Variants in BMPR1B observed in about 807,000 individuals in gnomAD.
The protein encoded by BMPR1B is bone morphogenetic protein receptor type-1B.
A neutral mutation model predicts 59.1 loss-of-function variants in BMPR1B; 12 were observed. The observed-to-expected ratio is 0.20, with a 90% confidence interval of 0.13 to 0.33. The LOEUF (loss-of-function observed/expected upper bound fraction) is 0.33. Ranked by LOEUF, BMPR1B falls within the 10% of genes least tolerant of loss-of-function variation. BMPR1B has a pLI of 1.00. For synonymous variants in BMPR1B, 237 were observed against 207.3 expected (o/e 1.14, Z -1.23); for missense variants, 550 against 610.9 (o/e 0.90, Z 1.05).
At chr4:94,937,652 A>G (rs1474457290) in intron 2 of BMPR1B, among the ~76,000 whole-genome samples, 4 of 151,618 alleles carry the variant, frequency 2.6e-5, no homozygotes, top group Non-Finnish European at 5.9e-5. Context: ...AGACTACAAC[A>G]TATTGCAGAA....
chr4:95,086,719 A>G (rs947947250), intron 3 of BMPR1B, among the ~76,000 whole-genome samples: 13 of 152,212 alleles, frequency 8.5e-5, no homozygotes, highest in Non-Finnish European at 1.5e-5. Flanking sequence ...TTAGTGTAAT[A>G]TTCCTTCAGG....
intron 1 of BMPR1B, among the ~76,000 whole-genome samples, chr4:94,812,973 AT>A (rs1723875391): frequency 1.4e-5 from 2 of 145,280 alleles, no homozygotes; most frequent in African/African-American, 5.2e-5. Context: ...TTGTGACAAC[AT>A]AAGGTGTTTG....
intron 2 of BMPR1B, among the ~76,000 whole-genome samples, chr4:94,923,424 G>A (rs1728776261): frequency 6.6e-6 from 1 of 152,114 alleles, no homozygotes; most frequent in Non-Finnish European, 1.5e-5. Flanking sequence ...ATTGAAGGGA[G>A]TATTTAGATA....
intron 10 of BMPR1B, among the ~76,000 whole-genome samples, chr4:95,142,698 C>T (rs1734331116): frequency 6.6e-6 from 1 of 152,096 alleles, no homozygotes; most frequent in Admixed American, 6.6e-5. Context: ...AACTCTTTCC[C>T]TGCGCTCGCC....
intron 10 of BMPR1B, among the ~76,000 whole-genome samples, chr4:95,142,251 C>A (rs1056576190): frequency 1.3e-5 from 2 of 152,196 alleles, no homozygotes; most frequent in Non-Finnish European, 1.5e-5. Context: ...CAGGATGCCA[C>A]AGGAAACCCA....
chr4:94,772,292 T>G (rs890967363), intron 1 of BMPR1B, among the ~76,000 whole-genome samples: 20 of 152,170 alleles, frequency 1.3e-4, no homozygotes, highest in African/African-American at 4.8e-4. Context: ...AGCATGTTGT[T>G]GTTAATTTTT....
intron 1 of BMPR1B, among the ~76,000 whole-genome samples, chr4:94,828,099 C>A (rs995028937): frequency 6.6e-5 from 10 of 152,028 alleles, no homozygotes; most frequent in African/African-American, 2.4e-4. Flanking sequence ...ACATTTTATT[C>A]GTAAATGTGA....
intron 3 of BMPR1B, among the ~76,000 whole-genome samples, chr4:95,056,007 A>C (rs971714652): frequency 6.6e-6 from 1 of 152,336 alleles, no homozygotes; most frequent in Middle Eastern, 3.4e-3. Context: ...AAATCTATGA[A>C]TTCTTCCCCC....
chr4:95,003,511 C>CA (rs1039740881), intron 3 of BMPR1B, among the ~76,000 whole-genome samples: 1 of 152,106 alleles, frequency 6.6e-6, no homozygotes, highest in African/African-American at 2.4e-5. Flanking sequence ...TTACTGTAGA[C>CA]AAGAGGCTGT....
chr4:95,042,479 G>A (rs1158200870), intron 3 of BMPR1B, among the ~76,000 whole-genome samples: 1 of 152,138 alleles, frequency 6.6e-6, no homozygotes, highest in Non-Finnish European at 1.5e-5. Context: ...TAAGGTGCAT[G>A]TGAAACATAA....
At chr4:95,076,000 A>G (rs1728679692) in intron 3 of BMPR1B, among the ~76,000 whole-genome samples, 2 of 152,290 alleles carry the variant, frequency 1.3e-5, no homozygotes, top group East Asian at 3.9e-4. Flanking sequence ...ATATCCTGTA[A>G]CTATAAAACA....
At chr4:94,989,693 A>C (rs1311826443) in intron 2 of BMPR1B, among the ~76,000 whole-genome samples, 1 of 152,194 alleles carries the variant, frequency 6.6e-6, no homozygotes, top group East Asian at 1.9e-4. Flanking sequence ...TTAAAAGCTG[A>C]AACAATATAC....
intron 3 of BMPR1B, among the ~76,000 whole-genome samples, chr4:95,044,170 C>G (rs536556004): frequency 1.3e-5 from 2 of 152,270 alleles, no homozygotes; most frequent in South Asian, 2.1e-4. Flanking sequence ...CTGGTTGTCT[C>G]TTTATATTTG....
At chr4:95,084,207 A>G (rs908686533) in intron 3 of BMPR1B, among the ~76,000 whole-genome samples, 2 of 151,274 alleles carry the variant, frequency 1.3e-5, no homozygotes, top group African/African-American at 4.8e-5. Context: ...ATATATCTTT[A>G]TATACACATG....
intron 10 of BMPR1B, among the ~76,000 whole-genome samples, chr4:95,146,003 A>G (rs1181844967): frequency 6.6e-6 from 1 of 152,060 alleles, no homozygotes; most frequent in African/African-American, 2.4e-5. Flanking sequence ...AAAGTACATT[A>G]TTTTCCTGTC....
chr4:94,863,468 A>G (rs1726083566), intron 1 of BMPR1B, among the ~76,000 whole-genome samples: 1 of 152,204 alleles, frequency 6.6e-6, no homozygotes, highest in African/African-American at 2.4e-5. Context: ...TGCTCTTGCC[A>G]ACAGAGTGGT....
chr4:95,134,861 T>G (rs1462332384), intron 10 of BMPR1B, among the ~76,000 whole-genome samples: 2 of 152,214 alleles, frequency 1.3e-5, no homozygotes, highest in African/African-American at 4.8e-5. Context: ...AGCTCTTTAG[T>G]TTAATTAGAT....
intron 1 of BMPR1B, among the ~76,000 whole-genome samples, chr4:94,784,731 C>T (rs1431164142): frequency 2.0e-5 from 3 of 152,088 alleles, no homozygotes; most frequent in African/African-American, 4.8e-5. Context: ...CATTTGGCTC[C>T]CTTCTCAAAC....
intron 1 of BMPR1B, among the ~76,000 whole-genome samples, chr4:94,804,837 A>C (rs1723547760): frequency 6.6e-6 from 1 of 152,148 alleles, no homozygotes; most frequent in African/African-American, 2.4e-5. Flanking sequence ...CTTCTGATTA[A>C]ATGTGAGACT....
Sources: gnomAD v4.1 joint callset for allele counts (sites outside exome capture counted in the v4.1 genomes callset) on GRCh38, gnomAD v4.1.1 for gene constraint, MANE v1.5 for transcripts, NCBI Gene and HGNC (gene_info 2026-07-23, HGNC 2026-07-21) for gene names.